The following GRIP1 variants were observed in gnomAD, a reference collection of about 807,000 sequenced individuals.
GRIP1 encodes the protein glutamate receptor interacting protein 1, also known as glutamate receptor-interacting protein 1.
In GRIP1, 45 loss-of-function variants were observed where a neutral mutation model predicts 129.9. The observed-to-expected ratio is 0.35, with a 90% CI of 0.27 to 0.44. The LOEUF (loss-of-function observed/expected upper bound fraction) is 0.44. Among genes scored for constraint, GRIP1 ranks in the 20% least tolerant of loss-of-function variants. The probability of loss-of-function intolerance (pLI) is 1.00; values close to 1 mark genes in which losing one functional copy is unlikely to be tolerated. For synonymous variants in GRIP1, 530 were observed against 520.8 expected, an observed-to-expected ratio of 1.02 and a Z score of -0.24; for missense variants, 1,196 against 1,396.8, an observed-to-expected ratio of 0.86 and a Z score of 2.29.
At chr12:66,893,920 C>G (rs2040702955) in intron 1 of GRIP1, among the ~76,000 whole-genome samples, 1 of 152,140 alleles carries the variant, frequency 6.6e-6, no homozygotes, top group Non-Finnish European at 1.5e-5. Context: ...CCTATACAAC[C>G]CAGCCCCTGA....
intron 16 of GRIP1, among the ~76,000 whole-genome samples, chr12:66,403,836 T>C (rs963866781): frequency 6.6e-6 from 1 of 152,236 alleles, no homozygotes. Flanking sequence ...GCTCTCCAAG[T>C]GCTCAGTTGT....
intron 1 of GRIP1, among the ~76,000 whole-genome samples, chr12:66,884,462 A>G (rs1026074710): frequency 3.3e-5 from 5 of 152,230 alleles, no homozygotes; most frequent in African/African-American, 9.6e-5. Context: ...TAAAGGAAAG[A>G]GAATTGTAAT....
intron 1 of GRIP1, among the ~76,000 whole-genome samples, chr12:66,895,196 T>TAGCTC (rs1201582265): frequency 6.6e-6 from 1 of 152,200 alleles, no homozygotes; most frequent in Non-Finnish European, 1.5e-5. Flanking sequence ...TCTTGAATTG[T>TAGCTC]AGCTCCTATA....
chr12:66,399,834 A>T (rs2056921515), intron 16 of GRIP1, among the ~76,000 whole-genome samples: 1 of 151,916 alleles, frequency 6.6e-6, no homozygotes, highest in African/African-American at 2.4e-5. Context: ...TTCAACTAAA[A>T]GTGATGGAAT....
At chr12:66,505,487 A>C (rs565725659) in intron 7 of GRIP1, among the ~76,000 whole-genome samples, 1 of 152,198 alleles carries the variant, frequency 6.6e-6, no homozygotes, top group African/African-American at 2.4e-5. Context: ...GTGAGATCCT[A>C]AGCAAAAAAC....
intron 1 of GRIP1, among the ~76,000 whole-genome samples, chr12:67,021,072 T>G (rs1339310020): frequency 6.6e-6 from 1 of 152,098 alleles, no homozygotes; most frequent in East Asian, 1.9e-4. Flanking sequence ...CACTCCAGTC[T>G]GGATGACAGA....
intron 13 of GRIP1, among the ~76,000 whole-genome samples, chr12:66,435,538 C>A (rs1401972829): frequency 2.0e-5 from 3 of 152,124 alleles, no homozygotes; most frequent in Non-Finnish European, 4.4e-5. Flanking sequence ...AGAAACAGTT[C>A]TCTGTGAAAG....
chr12:66,354,458 G>A (rs536199050), intron 23 of GRIP1, among the ~76,000 whole-genome samples: 4 of 152,218 alleles, frequency 2.6e-5, no homozygotes, highest in Non-Finnish European at 5.9e-5. Context: ...GCACACACAT[G>A]AATATGTAGC....
At chr12:66,737,929 G>A (rs766459948) in intron 1 of GRIP1, among the ~76,000 whole-genome samples, 1 of 152,156 alleles carries the variant, frequency 6.6e-6, no homozygotes, top group Non-Finnish European at 1.5e-5. Flanking sequence ...AAAGAGAAAG[G>A]GCAGGCTGCA....
intron 1 of GRIP1, among the ~76,000 whole-genome samples, chr12:67,019,505 C>G (rs1037998344): frequency 1.3e-5 from 2 of 152,108 alleles, no homozygotes; most frequent in South Asian, 2.1e-4. Context: ...AAAAGTCACT[C>G]AAAATAAGAG....
At chr12:66,452,345 G>A (rs1334431045) in intron 11 of GRIP1, among the ~76,000 whole-genome samples, 3 of 152,184 alleles carry the variant, frequency 2.0e-5, no homozygotes, top group African/African-American at 7.2e-5. Context: ...TGCCTCCAGG[G>A]CTTTGTGACA....
At chr12:66,884,337 C>T (rs1472044290) in intron 1 of GRIP1, among the ~76,000 whole-genome samples, 2 of 152,104 alleles carry the variant, frequency 1.3e-5, no homozygotes, top group Non-Finnish European at 2.9e-5. Context: ...TCTCCAGCCT[C>T]TAATAATTAT....
At chr12:66,607,231 G>T (rs960765442) in intron 1 of GRIP1, among the ~76,000 whole-genome samples, 2 of 152,092 alleles carry the variant, frequency 1.3e-5, no homozygotes, top group Non-Finnish European at 2.9e-5. Flanking sequence ...ATGAATTCTT[G>T]GTTTAATTTA....
At chr12:67,045,333 T>C (rs1319930051) in intron 1 of GRIP1, among the ~76,000 whole-genome samples, 2 of 152,112 alleles carry the variant, frequency 1.3e-5, no homozygotes, top group Non-Finnish European at 2.9e-5. Flanking sequence ...ACATGAACTT[T>C]TGCTGAGTTT....
At chr12:66,587,571 C>A (rs971251177) in intron 2 of GRIP1, among the ~76,000 whole-genome samples, 2 of 152,230 alleles carry the variant, frequency 1.3e-5, no homozygotes, top group Non-Finnish European at 2.9e-5. Flanking sequence ...GCACCAGGAA[C>A]AGTACCTGGC....
At chr12:66,718,493 A>C (rs1009019293) in intron 1 of GRIP1, among the ~76,000 whole-genome samples, 2 of 152,200 alleles carry the variant, frequency 1.3e-5, no homozygotes, top group African/African-American at 4.8e-5. Flanking sequence ...TGATCAATTA[A>C]GTTTGAGAAG....
chr12:66,737,120 C>G (rs1179228553), intron 1 of GRIP1, among the ~76,000 whole-genome samples: 3 of 152,130 alleles, frequency 2.0e-5, no homozygotes, highest in Non-Finnish European at 4.4e-5. Context: ...GGTCAGTTTC[C>G]TTCCCTTGGA....
chr12:66,707,534 G>C (rs2035575516), intron 1 of GRIP1, among the ~76,000 whole-genome samples: 1 of 147,530 alleles, frequency 6.8e-6, no homozygotes. Context: ...AAAAGATGTG[G>C]AAAACCTGTG....
At chr12:66,378,728 G>C (rs1565681073) in intron 20 of GRIP1, among the ~76,000 whole-genome samples, 1 of 152,030 alleles carries the variant, frequency 6.6e-6, no homozygotes, top group Non-Finnish European at 1.5e-5. Context: ...CTAGGCAATA[G>C]AGCGATACTC....
Sources: gnomAD v4.1 joint callset for allele counts (sites outside exome capture counted in the v4.1 genomes callset) on GRCh38, gnomAD v4.1.1 for gene constraint, MANE v1.5 for transcripts, NCBI Gene and HGNC (gene_info 2026-07-23, HGNC 2026-07-21) for gene names.